SORCS2: variants seen among roughly 807,000 people sequenced by gnomAD.
SORCS2 encodes the protein sortilin related VPS10 domain containing receptor 2.
In SORCS2, 100 loss-of-function variants were observed where a neutral mutation model predicts 141.6. That is an observed-to-expected ratio of 0.71 (90% confidence interval 0.60 to 0.83). The LOEUF (loss-of-function observed/expected upper bound fraction) is 0.83. Ranked by LOEUF, SORCS2 falls within the 40% of genes least tolerant of loss-of-function variation. SORCS2 has a pLI of 0.00. For missense variants in SORCS2, 1,646 were observed against 1,560.2 expected, an observed-to-expected ratio of 1.05 and a Z score of -0.93; for synonymous variants, 789 against 676.9, an observed-to-expected ratio of 1.17 and a Z score of -2.57.
intron 2 of SORCS2, among the ~76,000 whole-genome samples, chr4:7,426,801 G>A (rs917575728): frequency 6.6e-6 from 1 of 152,204 alleles, no homozygotes; most frequent in Non-Finnish European, 1.5e-5. Flanking sequence ...GTGGTGAGGC[G>A]AGGCCCTCCC....
intron 1 of SORCS2, among the ~76,000 whole-genome samples, chr4:7,309,854 G>A (rs1718073348): frequency 6.6e-6 from 1 of 152,134 alleles, no homozygotes; most frequent in Admixed American, 6.6e-5. Context: ...GTGGTCGCCA[G>A]GCCTTGGTAG....
intron 2 of SORCS2, among the ~76,000 whole-genome samples, chr4:7,463,504 G>T (rs1461585994): frequency 6.6e-6 from 1 of 152,138 alleles, no homozygotes; most frequent in Non-Finnish European, 1.5e-5. Context: ...CCCTGGGGGT[G>T]GGGGCGCAGA....
At chr4:7,332,031 C>G (rs1180691345) in intron 1 of SORCS2, among the ~76,000 whole-genome samples, 1 of 152,210 alleles carries the variant, frequency 6.6e-6, no homozygotes, top group Non-Finnish European at 1.5e-5. Context: ...AGGGGTACAG[C>G]TTGTTAATGG....
intron 3 of SORCS2, among the ~76,000 whole-genome samples, chr4:7,634,690 CGTG>C (rs764470150): frequency 2.1e-4 from 32 of 152,276 alleles, no homozygotes; most frequent in Non-Finnish European, 2.8e-4. Context: ...GCGGGCTGTG[CGTG>C]GTGACTTCCT....
intron 3 of SORCS2, among the ~76,000 whole-genome samples, chr4:7,599,678 CCTCT>C (rs981207581): frequency 6.6e-6 from 1 of 152,130 alleles, no homozygotes; most frequent in Non-Finnish European, 1.5e-5. Flanking sequence ...GTCTCGCCTC[CCTCT>C]GAGTGTCCCT....
chr4:7,373,478 A>ATATATATATATATATATATATTTTT (rs1470691140), intron 1 of SORCS2, among the ~76,000 whole-genome samples: 3 of 36,818 alleles, frequency 8.1e-5, no homozygotes, highest in Admixed American at 4.1e-4. Context: ...ATATATATAT[A>ATATATATATATATATATATATTTTT]TTTTTTTTTT....
At position 7,423,764 on chromosome 4, in the gene SORCS2, C is replaced by T. The variant is rs76498754; in HGVS notation, c.548+27409C>T. Among the ~76,000 whole-genome samples the T allele has an allele frequency of 6.4e-3, 980 of 152,248 alleles. 9 individuals carry two copies. Among genetic ancestry groups the T allele is most frequent in the African/African-American group, 0.023 (935 of 41,538 alleles). On this transcript the variant is annotated intron_variant, in intron 2 of 26. Transcript: ENST00000507866. ...GTGGATGACTTTCTTCAGCTTGTTT[C>T]TTTAGAAACAGTGGTGTGCTGATGA...
chr4:7,690,328 CGGGT>C (rs1236359366), intron 11 of SORCS2, among the ~76,000 whole-genome samples: 11 of 58,572 alleles, frequency 1.9e-4, no homozygotes, highest in African/African-American at 4.7e-4. Context: ...GATAGGTGGA[CGGGT>C]GGGTGGGTGG....
intron 3 of SORCS2, among the ~76,000 whole-genome samples, chr4:7,612,092 A>C (rs553590027): frequency 5.1e-4 from 78 of 152,308 alleles, no homozygotes; most frequent in African/African-American, 1.8e-3. Context: ...GGGAGGAGTC[A>C]TGGGGCCTGG....
At chr4:7,280,605 G>A (rs6857447) in intron 1 of SORCS2, among the ~76,000 whole-genome samples, 35,311 of 152,076 alleles carry the variant, frequency 0.23, 4,384 homozygotes, top group Non-Finnish European at 0.26. Context: ...AAGAATATAC[G>A]TAGCTCTGTC....
intron 3 of SORCS2, among the ~76,000 whole-genome samples, chr4:7,599,808 T>C (rs914197553): frequency 6.7e-6 from 1 of 149,058 alleles, no homozygotes; most frequent in Non-Finnish European, 1.5e-5. Flanking sequence ...AGCTGTGGGG[T>C]GGGTTTTCTT....
chr4:7,546,515 G>C (rs1029916506), intron 3 of SORCS2, among the ~76,000 whole-genome samples: 5 of 151,958 alleles, frequency 3.3e-5, no homozygotes, highest in African/African-American at 1.2e-4. Context: ...AACAATAAAT[G>C]GTGCTGTCCT....
intron 3 of SORCS2, among the ~76,000 whole-genome samples, chr4:7,566,363 G>C (rs945967216): frequency 6.6e-6 from 1 of 152,094 alleles, no homozygotes; most frequent in Non-Finnish European, 1.5e-5. Flanking sequence ...TGATGATGAT[G>C]ACTCTGCTAC....
chr4:7,275,332 CA>C (rs2108849106), intron 1 of SORCS2, among the ~76,000 whole-genome samples: 1 of 152,288 alleles, frequency 6.6e-6, no homozygotes, highest in African/African-American at 2.4e-5. Context: ...GGTCTGATCA[CA>C]GAGTACTTTC....
At chr4:7,267,440 G>A (rs1034582549) in intron 1 of SORCS2, among the ~76,000 whole-genome samples, 7 of 152,060 alleles carry the variant, frequency 4.6e-5, no homozygotes, top group African/African-American at 1.7e-4. Context: ...AAGCAGGCTG[G>A]GGCGAGGTCT....
At chr4:7,297,719 G>A (rs1717175782) in intron 1 of SORCS2, among the ~76,000 whole-genome samples, 2 of 152,222 alleles carry the variant, frequency 1.3e-5, no homozygotes, top group Non-Finnish European at 2.9e-5. Context: ...GGACTTAGAC[G>A]TGTCTCATGC....
chr4:7,393,938 CCGAG>C (rs1724033486), intron 1 of SORCS2, among the ~76,000 whole-genome samples: 1 of 152,028 alleles, frequency 6.6e-6, no homozygotes, highest in African/African-American at 2.4e-5. Context: ...TTGATGACTG[CCGAG>C]TCAGGTCCTT....
intron 3 of SORCS2, among the ~76,000 whole-genome samples, chr4:7,538,491 C>A (rs1346579301): frequency 6.6e-6 from 1 of 152,216 alleles, no homozygotes; most frequent in Non-Finnish European, 1.5e-5. Context: ...CTGGCCCAGG[C>A]ATGGAATTTC....
In SORCS2 at chr4:7,483,029, A is replaced by T. The variant is rs139544587; in HGVS notation, c.549-48501A>T. 4.1e-3 allele frequency among the ~76,000 whole-genome samples: 626 copies of T among 152,318 alleles called. 4 individuals carry two copies. Among genetic ancestry groups the T allele is most frequent in the African/African-American group, 0.014 (587 of 41,566 alleles). On this transcript the variant is annotated intron_variant, in intron 2 of 26. Transcript: ENST00000507866. ...ATCCTATGACTGATGTCCTTATGAA[A>T]AAAAGGAGAGGCCGGGCGCGGTGGC...
Sources: allele counts gnomAD v4.1 joint callset (sites outside exome capture counted in the v4.1 genomes callset), GRCh38; gene constraint gnomAD v4.1.1; transcripts MANE v1.5; gene names NCBI Gene and HGNC (gene_info 2026-07-23, HGNC 2026-07-21).